PCDHA9: variants seen among roughly 807,000 people sequenced by gnomAD.
PCDHA9 encodes protocadherin alpha-9.
A neutral mutation model predicts 62.0 loss-of-function variants in PCDHA9; 62 were observed. The ratio of observed to expected loss-of-function variants is 1.00; its 90% CI spans 0.81 to 1.23. PCDHA9 has a LOEUF of 1.23. Ranked by LOEUF, PCDHA9 falls within the 50% of genes most tolerant of loss-of-function variation. PCDHA9 has a pLI of 0.00. For synonymous variants in PCDHA9, 557 were observed against 567.6 expected (o/e 0.98, Z 0.27); for missense variants, 1,205 against 1,249.8 (o/e 0.96, Z 0.54).
chr5:140,856,332 G>A, intron 1 of PCDHA9: 2 of 1,598,636 alleles, frequency 1.3e-6, no homozygotes, highest in East Asian at 2.2e-5. Context: ...GAGGAGCTGT[G>A]CGGGCGGAGC....
intron 1 of PCDHA9, among the ~76,000 whole-genome samples, chr5:140,924,907 A>T (rs538089373): frequency 0.035 from 1,776 of 50,942 alleles, 16 homozygotes; most frequent in Non-Finnish European, 0.042. Context: ...AAAAAAAAAT[A>T]AAATAAAATA....
chr5:140,962,511 C>T (rs1164554453), intron 1 of PCDHA9, among the ~76,000 whole-genome samples: 1 of 152,106 alleles, frequency 6.6e-6, no homozygotes, highest in Non-Finnish European at 1.5e-5. Flanking sequence ...AGCCAACTAT[C>T]AATAATATAT....
At chr5:140,853,125 C>T (rs2150528645) in intron 1 of PCDHA9, 31 of 553,956 alleles carry the variant, frequency 5.6e-5, no homozygotes, top group South Asian at 1.5e-4. Context: ...ATGATCCTCC[C>T]GCCTCAGCCT....
At chr5:140,968,813 A>G (rs1554231120) in intron 1 of PCDHA9, 1 of 1,614,194 alleles carries the variant, frequency 6.2e-7, no homozygotes, top group South Asian at 1.1e-5. Context: ...TGTGGTGGAT[A>G]GGGTTTCCAA....
chr5:140,945,829 A>G (rs1472344558), intron 1 of PCDHA9, among the ~76,000 whole-genome samples: 1 of 152,180 alleles, frequency 6.6e-6, no homozygotes, highest in Non-Finnish European at 1.5e-5. Flanking sequence ...ACAAAAGTCA[A>G]CTCAAAATGG....
intron 1 of PCDHA9, chr5:140,875,560 C>G: frequency 6.2e-7 from 1 of 1,614,124 alleles, no homozygotes; most frequent in Non-Finnish European, 8.5e-7. Context: ...GGGGAGCGGC[C>G]AGCTCCACTA....
At chr5:140,913,667 G>A (rs2076425699) in intron 1 of PCDHA9, among the ~76,000 whole-genome samples, 2 of 152,000 alleles carry the variant, frequency 1.3e-5, no homozygotes, top group South Asian at 2.1e-4. Flanking sequence ...GTATAGTTAG[G>A]TTATTTAAAA....
intron 3 of PCDHA9, among the ~76,000 whole-genome samples, chr5:140,993,585 G>T (rs2097574142): frequency 6.6e-6 from 1 of 151,526 alleles, no homozygotes; most frequent in Admixed American, 6.6e-5. Flanking sequence ...GCTTTTCTTG[G>T]CTTGGCTCCA....
At chr5:140,882,684 G>A (rs781811851) in intron 1 of PCDHA9, 3 of 1,614,172 alleles carry the variant, frequency 1.9e-6, no homozygotes, top group South Asian at 1.1e-5. Context: ...AGCAAGAAAC[G>A]AATAATCATT....
chr5:140,877,811 G>T (rs1256619106), intron 1 of PCDHA9: 1 of 1,610,242 alleles, frequency 6.2e-7, no homozygotes, highest in Non-Finnish European at 8.5e-7. Flanking sequence ...CAGCTGTCTC[G>T]AGAAGATTGT....
intron 1 of PCDHA9, among the ~76,000 whole-genome samples, chr5:140,873,915 C>A (rs543062290): frequency 6.6e-6 from 1 of 152,284 alleles, no homozygotes; most frequent in Non-Finnish European, 1.5e-5. Flanking sequence ...CCTGCCTCAG[C>A]CTCCCAAAGT....
intron 1 of PCDHA9, among the ~76,000 whole-genome samples, chr5:140,887,432 C>G (rs2061445843): frequency 6.6e-6 from 1 of 152,120 alleles, no homozygotes; most frequent in Non-Finnish European, 1.5e-5. Flanking sequence ...AGTATTTTCA[C>G]TGGGCATAGT....
At position 140,858,057 on chromosome 5, in the gene PCDHA9, A is replaced by G. The variant is rs781982906; in HGVS notation, c.2394+7168A>G. On this transcript the variant is annotated intron_variant, in intron 1 of 3. Coordinates refer to ENST00000532602, the MANE Select transcript of PCDHA9 (RefSeq NM_031857.2). ...GCCACTGTGCTTGTGTCGCTTGTGG[A>G]GGGCAGCCAGGCACCCAAGGCCTCG... 1.9e-6 allele frequency: 3 copies of G among 1,597,162 alleles called. No homozygotes were observed. In the South Asian group the frequency reaches 3.3e-5, roughly 18 times the overall value.
chr5:140,934,611 C>T (rs1346764744), intron 1 of PCDHA9, among the ~76,000 whole-genome samples: 2 of 151,950 alleles, frequency 1.3e-5, no homozygotes, highest in Non-Finnish European at 2.9e-5. Context: ...TTTGATTAGC[C>T]TGAGGTACAG....
At chr5:140,861,641 G>T (rs193008750) in intron 1 of PCDHA9, 38 of 298,444 alleles carry the variant, frequency 1.3e-4, no homozygotes, top group Admixed American at 1.2e-3. Flanking sequence ...CAACACAAAA[G>T]AATCTGTTTC....
At position 140,927,036 on chromosome 5, in the gene PCDHA9, C is replaced by A. The variant is rs137875923; in HGVS notation, c.2395-51913C>A. On this transcript the variant is annotated intron_variant, in intron 1 of 3. Transcript: ENST00000532602. ...CCGCGGACTTGAGGCTGCCAGCGGC[C>A]GCTATGTCCTCGCGGAACTTTCGCT... 9.3e-6 allele frequency: 15 copies of A among 1,612,314 alleles called. No homozygotes were observed. In the East Asian group the frequency reaches 3.3e-4, roughly 36 times the overall value.
At chr5:140,990,893 T>C (rs1554251806) in intron 3 of PCDHA9, among the ~76,000 whole-genome samples, 1 of 152,178 alleles carries the variant, frequency 6.6e-6, no homozygotes, top group East Asian at 1.9e-4. Context: ...GAGTGGGTCG[T>C]TGCTGGGTCA....
intron 1 of PCDHA9, chr5:140,881,501 C>A (rs782000314): frequency 3.3e-4 from 82 of 248,870 alleles, no homozygotes; most frequent in Non-Finnish European, 4.9e-4. Context: ...CACATACACA[C>A]ACTCACATAC....
intron 3 of PCDHA9, among the ~76,000 whole-genome samples, chr5:140,998,919 A>G (rs781864069): frequency 6.6e-6 from 1 of 152,248 alleles, no homozygotes; most frequent in Non-Finnish European, 1.5e-5. Flanking sequence ...TAGCTATTAT[A>G]TCCATTTTAC....
Sources: gnomAD v4.1 joint callset for allele counts (sites outside exome capture counted in the v4.1 genomes callset) on GRCh38, gnomAD v4.1.1 for gene constraint, MANE v1.5 for transcripts, NCBI Gene and HGNC (gene_info 2026-07-23, HGNC 2026-07-21) for gene names.